PTPRD: variants seen among roughly 807,000 people sequenced by gnomAD.
The protein encoded by PTPRD is receptor-type tyrosine-protein phosphatase delta.
A neutral mutation model predicts 214.5 loss-of-function variants in PTPRD; 34 were observed. The ratio of observed to expected loss-of-function variants is 0.16; its 90% CI spans 0.12 to 0.21. The LOEUF (loss-of-function observed/expected upper bound fraction) is 0.21. Ranked by LOEUF, PTPRD falls within the 10% of genes least tolerant of loss-of-function variation. PTPRD has a pLI of 1.00. For synonymous variants in PTPRD, 1,128 were observed against 845.7 expected, an observed-to-expected ratio of 1.33 and a Z score of -5.79; for missense variants, 2,545 against 2,398.7, an observed-to-expected ratio of 1.06 and a Z score of -1.27.
At chr9:10,177,837 T>C (rs1182092980) in intron 3 of PTPRD, among the ~76,000 whole-genome samples, 4 of 151,986 alleles carry the variant, frequency 2.6e-5, no homozygotes, top group Non-Finnish European at 5.9e-5. Flanking sequence ...GTTCTCTTTA[T>C]TGCACATTTT....
In PTPRD at chr9:10,126,946, C is replaced by CTTTTTTTTTTTTTT. The variant is rs34691762; in HGVS notation, c.-544-93170_-544-93157dup. Among the ~76,000 whole-genome samples the CTTTTTTTTTTTTTT allele has an allele frequency of 1.6e-3, 213 of 130,478 alleles. 7 individuals carry two copies. Among genetic ancestry groups the CTTTTTTTTTTTTTT allele is most frequent in the African/African-American group, 6.6e-3 (209 of 31,672 alleles). The allele number at this position is 130,478 out of a possible 152,430, so 85.6% of individuals were successfully genotyped here. On this transcript the variant is annotated intron_variant, in intron 3 of 45. Transcript: ENST00000381196. ...CCTTAGACTCTGAGTCTCAAATGGA[C>CTTTTTTTTTTTTTT]TTTTTTTTTTTTTTTTTGGCAGAAA...
intron 2 of PTPRD, among the ~76,000 whole-genome samples, chr9:10,401,021 T>G (rs1205370380): frequency 6.6e-6 from 1 of 151,680 alleles, no homozygotes; most frequent in East Asian, 1.9e-4. Flanking sequence ...CAATAAAAAC[T>G]TTTATTGCCT....
chr9:8,805,638 T>C (rs1326779152), intron 11 of PTPRD, among the ~76,000 whole-genome samples: 3 of 151,686 alleles, frequency 2.0e-5, no homozygotes, highest in African/African-American at 7.2e-5. Context: ...GTTTCACTCT[T>C]GTTGCCCAGG....
At chr9:8,738,765 G>A (rs2154442699) in intron 11 of PTPRD, among the ~76,000 whole-genome samples, 1 of 121,008 alleles carries the variant, frequency 8.3e-6, no homozygotes, top group African/African-American at 2.8e-5. Context: ...AAAGAATTAA[G>A]CATTAAAAAA....
At chr9:8,716,883 T>C (rs1218257486) in intron 12 of PTPRD, among the ~76,000 whole-genome samples, 1 of 152,106 alleles carries the variant, frequency 6.6e-6, no homozygotes, top group African/African-American at 2.4e-5. Flanking sequence ...GATGAATAAA[T>C]AAACTTGTAT....
intron 5 of PTPRD, among the ~76,000 whole-genome samples, chr9:9,890,614 A>G (rs1374411933): frequency 6.6e-6 from 1 of 152,082 alleles, no homozygotes; most frequent in African/African-American, 2.4e-5. Context: ...CAGAAGCATA[A>G]AGAGCAGGTT....
At chr9:10,369,163 C>G (rs951972685) in intron 2 of PTPRD, among the ~76,000 whole-genome samples, 2 of 151,996 alleles carry the variant, frequency 1.3e-5, no homozygotes, top group African/African-American at 4.8e-5. Context: ...AAAACTTATG[C>G]AAATTATTTT....
At chr9:10,504,034 T>G (rs1338006631) in intron 2 of PTPRD, among the ~76,000 whole-genome samples, 3 of 138,932 alleles carry the variant, frequency 2.2e-5, no homozygotes, top group African/African-American at 5.3e-5. Context: ...GAGAATGGCG[T>G]GAACCCGGGA....
chr9:10,073,955 T>C (rs2098084365), intron 3 of PTPRD, among the ~76,000 whole-genome samples: 1 of 152,014 alleles, frequency 6.6e-6, no homozygotes, highest in Non-Finnish European at 1.5e-5. Context: ...AGCTAGAAAA[T>C]TGAATTAAAG....
chr9:10,408,092 GC>G (rs1157078569), intron 2 of PTPRD, among the ~76,000 whole-genome samples: 1 of 151,410 alleles, frequency 6.6e-6, no homozygotes, highest in Non-Finnish European at 1.5e-5. Flanking sequence ...GAACCCCATG[GC>G]ATTTCCCTGC....
At chr9:9,224,982 C>A (rs73641264) in intron 9 of PTPRD, among the ~76,000 whole-genome samples, 144 of 152,096 alleles carry the variant, frequency 9.5e-4, no homozygotes, top group African/African-American at 3.3e-3. Context: ...TTGGTGAATA[C>A]TAACTTGATC....
chr9:10,198,654 C>A (rs1300775873), intron 3 of PTPRD, among the ~76,000 whole-genome samples: 2 of 152,024 alleles, frequency 1.3e-5, no homozygotes, highest in Admixed American at 6.6e-5. Flanking sequence ...GGTGGTTAAT[C>A]AAAACCTTGG....
At chr9:10,222,264 A>C (rs1030288242) in intron 3 of PTPRD, among the ~76,000 whole-genome samples, 1 of 152,100 alleles carries the variant, frequency 6.6e-6, no homozygotes, top group East Asian at 1.9e-4. Context: ...TCTTACATAG[A>C]GGTATTTACT....
At chr9:8,394,159 A>AT (rs1167594755) in intron 36 of PTPRD, among the ~76,000 whole-genome samples, 1 of 150,822 alleles carries the variant, frequency 6.6e-6, no homozygotes, top group African/African-American at 2.4e-5. Context: ...GGTCATGTGG[A>AT]TTTTTTAAAA....
At chr9:9,939,454 C>G (rs1311837258) in intron 4 of PTPRD, among the ~76,000 whole-genome samples, 1 of 152,130 alleles carries the variant, frequency 6.6e-6, no homozygotes. Context: ...GAGTTTGTTG[C>G]TGAACTGAAT....
At chr9:8,468,729 C>G (rs1401002991) in intron 31 of PTPRD, among the ~76,000 whole-genome samples, 2 of 148,246 alleles carry the variant, frequency 1.3e-5, no homozygotes, top group Non-Finnish European at 3.0e-5. Flanking sequence ...GAGAGGAACA[C>G]TGCTTTGTCA....
intron 5 of PTPRD, among the ~76,000 whole-genome samples, chr9:9,921,765 A>T (rs1602226284): frequency 6.7e-6 from 1 of 150,274 alleles, no homozygotes; most frequent in Admixed American, 6.8e-5. Flanking sequence ...AAAAAAAAAA[A>T]CTAAAGATAG....
intron 2 of PTPRD, among the ~76,000 whole-genome samples, chr9:10,592,626 A>G (rs1278149610): frequency 1.3e-5 from 2 of 151,926 alleles, no homozygotes; most frequent in Non-Finnish European, 2.9e-5. Flanking sequence ...GTCTTACAAG[A>G]GGATTGTAAG....
intron 2 of PTPRD, among the ~76,000 whole-genome samples, chr9:10,458,472 A>G (rs2098934136): frequency 1.3e-5 from 2 of 152,200 alleles, no homozygotes; most frequent in African/African-American, 2.4e-5. Context: ...GCAGGTAAAA[A>G]CATTAGACAA....
Sources: allele counts gnomAD v4.1 joint callset (sites outside exome capture counted in the v4.1 genomes callset), GRCh38; gene constraint gnomAD v4.1.1; transcripts MANE v1.5; gene names NCBI Gene and HGNC (gene_info 2026-07-23, HGNC 2026-07-21).